ZFP1: variants seen among roughly 807,000 people sequenced by gnomAD.
The protein encoded by ZFP1 is zinc finger protein 1 homolog.
ZFP1 carries 32 observed loss-of-function variants against 38.5 expected under a neutral mutation model. The ratio of observed to expected loss-of-function variants is 0.83; its 90% confidence interval spans 0.63 to 1.12. The LOEUF is 1.12. Ranked by LOEUF, ZFP1 falls within the 50% of genes most tolerant of loss-of-function variation. The pLI, the probability that ZFP1 is intolerant of heterozygous loss-of-function variation, is 0.00. For synonymous variants in ZFP1, 245 were observed against 168.8 expected (o/e 1.45, Z -3.50); for missense variants, 616 against 480.8 (o/e 1.28, Z -2.63).
intron 3 of ZFP1, 116 bp downstream of exon 3, chr16:75,167,012 A>T: frequency 6.7e-7 from 1 of 1,489,124 alleles, no homozygotes; most frequent in Admixed American, 2.3e-5. Flanking sequence ...GTCCTCAGGT[A>T]TTAAACCTGA....
At chr16:75,166,212 C>CA (rs2038073245) in intron 2 of ZFP1, among the ~76,000 whole-genome samples, 1 of 152,146 alleles carries the variant, frequency 6.6e-6, no homozygotes, top group Non-Finnish European at 1.5e-5. Context: ...GTGCTTGTCT[C>CA]ACAGTACACA....
At position 75,170,272 on chromosome 16, in the gene ZFP1, G is replaced by C; in HGVS notation, c.1162G>C (p.Ala388Pro). The change falls in exon 4 of 4, where the codon GCC (alanine) becomes CCC (proline). Residue 388 changes from alanine (A) to proline (P), a missense_variant. Transcript: ENST00000570010. ...KPYECSECGK[A>P]FSRKSRLSVH... ...ATATGAGTGTTCCGAATGTGGGAAG[G>C]CCTTTAGCAGGAAGTCCCGACTCAG... The C allele has an allele frequency of 6.2e-7, 1 of 1,612,098 alleles. No homozygotes were observed. Among genetic ancestry groups the C allele is most frequent in the Non-Finnish European group, 8.5e-7 (1 of 1,178,800 alleles).
At position 75,152,214 on chromosome 16, in the gene ZFP1, G is replaced by C. The variant is rs913847481; in HGVS notation, c.-43-695G>C. Among the ~76,000 whole-genome samples, 3 of 152,064 alleles carry C rather than the reference G, an allele frequency of 2.0e-5. 1 individual carries two copies. The highest frequency in any genetic ancestry group is 7.2e-5 in the African/African-American group (3 of 41,404). ...GAGTTTAGTTTTTGGTATTTTCCCT[G>C]TTTGGATAAATTGAGTTTCTTGGAC... On this transcript the variant is annotated intron_variant, in intron 1 of 3. Transcript: ENST00000570010.
In ZFP1 at chr16:75,169,233, A is replaced by G. The variant is rs1265770998; in HGVS notation, c.143-20A>G. The G allele has an allele frequency of 1.9e-6, 3 of 1,579,438 alleles. No homozygotes were observed. The highest frequency in any genetic ancestry group is 2.3e-5 in the South Asian group (2 of 85,396). The stretch of plus-strand genomic sequence containing the variant: ...CGGAGGCATTGACAAGGTTCTTTTC[A>G]TTGTGCTCTCTATTCCTAGAAGTGT... On this transcript the variant is annotated intron_variant, in intron 3 of 3. Transcript: ENST00000570010.
chr16:75,145,924 T>G (rs1438235750), upstream of ZFP1, among the ~76,000 whole-genome samples: 1 of 152,174 alleles, frequency 6.6e-6, no homozygotes, highest in Non-Finnish European at 1.5e-5. Flanking sequence ...TAGCTGTCCA[T>G]GGATGGCAAC....
Position 75,148,537 on chromosome 16 carries a change from C to G in ZFP1, c.-150C>G, listed in dbSNP as rs966357909. 2 of 152,294 alleles carry G rather than the reference C, an allele frequency of 1.3e-5. No homozygotes were observed. Among genetic ancestry groups the G allele is most frequent in the African/African-American group, 4.8e-5 (2 of 41,458 alleles). The allele number at this position is 152,294 out of a possible 1,614,324, so 9.4% of individuals were successfully genotyped here. On this transcript the variant is annotated 5_prime_UTR_variant, in exon 1 of 4. Coordinates refer to ENST00000570010, the MANE Select transcript of ZFP1 (RefSeq NM_153688.4). ...GCGCCGGTGGCCGCCCTTCCCCCAC[C>G]ACCAGCGGCGAGTGGGTGACAGAGC...
rs1235706581 is a variant in ZFP1 at position 75,166,265 on chromosome 16, C to T, written c.16-505C>T. On this transcript the variant is annotated intron_variant, in intron 2 of 3. Transcript: ENST00000570010. ...GTGTTTATTTTTTGAGACAGTCTTA[C>T]TCTGTTGCCCAGGCTGGAGTATAGT... 6.6e-5 allele frequency among the ~76,000 whole-genome samples: 10 copies of T among 152,342 alleles called. 1 individual carries two copies. The South Asian group carries it at 1.0e-3, about 16-fold the overall frequency.
At chr16:75,168,751 AAGG>A (rs1597087787) in intron 3 of ZFP1, among the ~76,000 whole-genome samples, 2 of 152,308 alleles carry the variant, frequency 1.3e-5, no homozygotes, top group African/African-American at 4.8e-5. Context: ...AGTAGAAAAA[AAGG>A]AGAAAAAGCT....
chr16:75,133,157 A>G, the ZFP1 span, among the ~76,000 whole-genome samples: 1 of 151,240 alleles, frequency 6.6e-6, no homozygotes, highest in Admixed American at 6.6e-5. Context: ...TTGTATTTTT[A>G]GTAGAGACAG....
At chr16:75,135,218 A>AAAAAAAAAAAAAC in the ZFP1 span, among the ~76,000 whole-genome samples, 1 of 148,176 alleles carries the variant, frequency 6.7e-6, no homozygotes, top group Non-Finnish European at 1.5e-5. Flanking sequence ...TCAAAAAAAA[A>AAAAAAAAAAAAAC]AAAAAAAAAA....
chr16:75,137,762 G>A, the ZFP1 span, among the ~76,000 whole-genome samples: 69 of 151,812 alleles, frequency 4.5e-4, no homozygotes, highest in Non-Finnish European at 8.4e-4. Context: ...CAACACGCCC[G>A]GCCCCAAAAT....
rs1865926278 is a variant in ZFP1 at position 75,171,619 on chromosome 16, T to G, written c.*1285T>G. 1 of 152,216 alleles carries G rather than the reference T, an allele frequency of 6.6e-6. No individual in the cohort carries two copies. The highest frequency in any genetic ancestry group is 2.4e-5 in the African/African-American group (1 of 41,466). The allele number at this position is 152,216 out of a possible 1,614,324, so 9.4% of individuals were successfully genotyped here. A position where few individuals can be genotyped will look rare whatever the true frequency, so the allele number is the denominator to read the frequency against. ...TGCTTTTATAGACTTGATTTCAAAT[T>G]CTTAAGTTCAGCCTTTCCCTATCAA... On this transcript the variant is annotated 3_prime_UTR_variant, in exon 4 of 4. Coordinates refer to ENST00000570010, the MANE Select transcript of ZFP1 (RefSeq NM_153688.4).
chr16:75,144,153 C>T (rs1232112636), upstream of ZFP1: 3 of 152,176 alleles, frequency 2.0e-5, no homozygotes, highest in East Asian at 1.9e-4. Context: ...AGCCCACACA[C>T]GTGGTGCTTA....
At chr16:75,148,966 G>C (rs1597027907) in intron 1 of ZFP1, 1 of 151,902 alleles carries the variant, frequency 6.6e-6, no homozygotes, top group Middle Eastern at 3.5e-3. Flanking sequence ...GAGCCCCGGC[G>C]GGCGCGCGCG....
At chr16:75,130,342 G>A in the ZFP1 span, among the ~76,000 whole-genome samples, 1 of 152,106 alleles carries the variant, frequency 6.6e-6, no homozygotes, top group Non-Finnish European at 1.5e-5. Flanking sequence ...TGGGGGTCTT[G>A]CAGCCCTTCT....
chr16:75,154,573 GTTTTT>G (rs33986637), intron 2 of ZFP1, among the ~76,000 whole-genome samples: 16 of 111,252 alleles, frequency 1.4e-4, no homozygotes, highest in African/African-American at 5.0e-4. Context: ...ATGAATGAGA[GTTTTT>G]TTTTTTTTTT....
chr16:75,159,309 C>G (rs1226900079), intron 2 of ZFP1, among the ~76,000 whole-genome samples: 1 of 26,532 alleles, frequency 3.8e-5, no homozygotes, highest in Non-Finnish European at 1.2e-4. Flanking sequence ...CCTCCCTTCC[C>G]TCCTTTCCCT....
intron 2 of ZFP1, among the ~76,000 whole-genome samples, chr16:75,165,559 T>A (rs2038028573): frequency 6.6e-6 from 1 of 152,026 alleles, no homozygotes; most frequent in Non-Finnish European, 1.5e-5. Context: ...CACACCCGGA[T>A]AATTTTTGTA....
chr16:75,164,182 T>A (rs1008978283), intron 2 of ZFP1, among the ~76,000 whole-genome samples: 19 of 151,754 alleles, frequency 1.3e-4, no homozygotes, highest in Admixed American at 5.2e-4. Context: ...GAAGTTTGTG[T>A]TGTTTTTAAA....
Sources: gnomAD v4.1 joint callset for allele counts (sites outside exome capture counted in the v4.1 genomes callset) on GRCh38, gnomAD v4.1.1 for gene constraint, MANE v1.5 for transcripts, NCBI Gene and HGNC (gene_info 2026-07-23, HGNC 2026-07-21) for gene names.